Variants in SVOP observed in about 807,000 individuals in gnomAD.
The protein encoded by SVOP is SV2 related protein.
In SVOP, 17 loss-of-function variants were observed where a neutral mutation model predicts 69.1. The ratio of observed to expected loss-of-function variants is 0.25; its 90% CI spans 0.17 to 0.37. The LOEUF is 0.37. Among genes scored for constraint, SVOP ranks in the 10% least tolerant of loss-of-function variants. SVOP has a pLI of 1.00. For missense variants in SVOP, 435 were observed against 597.5 expected (o/e 0.73, Z 2.84); for synonymous variants, 238 against 238.6 (o/e 1.00, Z 0.02).
chr12:108,941,152 G>A (rs146746651), intron 7 of SVOP, among the ~76,000 whole-genome samples: 1,595 of 152,302 alleles, frequency 0.01, 9 homozygotes, highest in Non-Finnish European at 0.012. Context: ...GCTGAGCAAT[G>A]TGGCAGCTTT....
intron 1 of SVOP, among the ~76,000 whole-genome samples, chr12:109,015,093 T>A (rs2040360655): frequency 6.6e-6 from 1 of 151,888 alleles, no homozygotes; most frequent in Non-Finnish European, 1.5e-5. Context: ...TTAAAGAGAG[T>A]TATTAGGGTA....
Position 109,018,263 on chromosome 12 carries a change from C to T in SVOP, c.35+2571G>A, listed in dbSNP as rs142133344. On this transcript the variant is annotated intron_variant, in intron 1 of 15. Coordinates refer to ENST00000610966, the MANE Select transcript of SVOP (RefSeq NM_018711.5). ...GATGCAAACTCTCAGCCTCCCAAAT[C>T]TCCTCTATGTGGTGCTGTCCCAGAG... Among the ~76,000 whole-genome samples, 369 of 152,320 alleles carry T rather than the reference C, an allele frequency of 2.4e-3. 3 individuals carry two copies. Among genetic ancestry groups the T allele is most frequent in the Middle Eastern group, 0.01 (3 of 294 alleles).
At chr12:108,938,039 T>C (rs2039867007) in intron 9 of SVOP, among the ~76,000 whole-genome samples, 1 of 152,180 alleles carries the variant, frequency 6.6e-6, no homozygotes, top group South Asian at 2.1e-4. Flanking sequence ...GAGGAATCCA[T>C]CCTGCTCTGC....
chr12:109,010,289 C>T (rs376463170), intron 1 of SVOP, among the ~76,000 whole-genome samples: 3 of 152,158 alleles, frequency 2.0e-5, no homozygotes, highest in Admixed American at 6.5e-5. Flanking sequence ...GGCACCCCCT[C>T]GTGTCTCAAG....
At chr12:108,971,200 C>G (rs192905268) in intron 5 of SVOP, among the ~76,000 whole-genome samples, 9 of 151,724 alleles carry the variant, frequency 5.9e-5, no homozygotes, top group Admixed American at 2.0e-4. Context: ...AGGCCATGGC[C>G]GGTGGATCAC....
intron 1 of SVOP, among the ~76,000 whole-genome samples, chr12:109,000,524 AC>A (rs2040262481): frequency 2.3e-5 from 1 of 42,630 alleles, no homozygotes; most frequent in Non-Finnish European, 4.7e-5. Flanking sequence ...AGAATTTTAG[AC>A]CAATATCCTT....
intron 1 of SVOP, among the ~76,000 whole-genome samples, chr12:109,016,831 C>T (rs1189245039): frequency 6.6e-6 from 1 of 151,346 alleles, no homozygotes; most frequent in Non-Finnish European, 1.5e-5. Context: ...CAGCCTTGAA[C>T]CCCCAGGCTC....
At chr12:108,963,085 A>C (rs979309844) in intron 5 of SVOP, among the ~76,000 whole-genome samples, 2 of 152,242 alleles carry the variant, frequency 1.3e-5, no homozygotes, top group African/African-American at 4.8e-5. Flanking sequence ...ATCACAATCA[A>C]TGCCAAATAT....
intron 1 of SVOP, among the ~76,000 whole-genome samples, chr12:109,017,238 G>A (rs7961817): frequency 0.19 from 29,019 of 151,822 alleles, 3,037 homozygotes; most frequent in Non-Finnish European, 0.23. Context: ...TCATAGGAGC[G>A]TGAACCCTAT....
chr12:108,972,321 A>G, intron 5 of SVOP, 84 bp downstream of exon 5: 1 of 1,326,416 alleles, frequency 7.5e-7, no homozygotes, highest in Admixed American at 2.0e-5. Context: ...CCCAACTGCT[A>G]ATGCAGAACG....
chr12:108,954,883 A>G (rs1466704957), intron 6 of SVOP, among the ~76,000 whole-genome samples: 1 of 152,194 alleles, frequency 6.6e-6, no homozygotes, highest in East Asian at 1.9e-4. Flanking sequence ...AATAGAAAAA[A>G]TTAGCTGAGC....
intron 1 of SVOP, among the ~76,000 whole-genome samples, chr12:108,993,720 G>A (rs1208723442): frequency 6.6e-6 from 1 of 152,188 alleles, no homozygotes; most frequent in East Asian, 1.9e-4. Context: ...TAAGTGAGGG[G>A]TGGTGTGAAA....
chr12:108,949,556 T>G (rs1351151848), intron 6 of SVOP, among the ~76,000 whole-genome samples: 1 of 152,088 alleles, frequency 6.6e-6, no homozygotes. Context: ...AGGCATGAGC[T>G]ACTGTGCCTG....
At chr12:108,970,936 T>C (rs780212130) in intron 5 of SVOP, among the ~76,000 whole-genome samples, 23 of 152,100 alleles carry the variant, frequency 1.5e-4, no homozygotes, top group Non-Finnish European at 2.8e-4. Flanking sequence ...GAGGATTGCT[T>C]GAGCCCAGAA....
chr12:108,986,419 T>C (rs36171909), intron 1 of SVOP, among the ~76,000 whole-genome samples: 135,654 of 152,178 alleles, frequency 0.89, 61,557 homozygotes, highest in Non-Finnish European at 0.99. Context: ...TTAATAAAGA[T>C]ATTTTATTTT....
At chr12:108,977,596 C>A in intron 3 of SVOP, 100 bp from the exon 4 acceptor site, 1 of 727,092 alleles carries the variant, frequency 1.4e-6, no homozygotes, top group Non-Finnish European at 2.4e-6. Flanking sequence ...GTAGCACACC[C>A]CTCTCTACCC....
rs1278776306 is a variant in SVOP at position 108,960,055 on chromosome 12, A to G, written c.578+868T>C. Among the ~76,000 whole-genome samples, 5 of 152,364 alleles carry G rather than the reference A, an allele frequency of 3.3e-5. 1 individual carries two copies. The highest frequency in any genetic ancestry group is 1.2e-4 in the African/African-American group (5 of 41,586). On this transcript the variant is annotated intron_variant, in intron 6 of 15. Transcript: ENST00000610966. Reference sequence around the variant, plus strand: ...TAAACCGTTTAGAACAGCACCTGCCACATAGTTAACACTAAATATTGGCTA... The same window carrying G: ...TAAACCGTTTAGAACAGCACCTGCCGCATAGTTAACACTAAATATTGGCTA...
intron 1 of SVOP, among the ~76,000 whole-genome samples, chr12:109,017,517 G>A (rs1360990510): frequency 1.3e-5 from 2 of 152,044 alleles, no homozygotes; most frequent in African/African-American, 4.8e-5. Context: ...ATGACTGAGG[G>A]ACAGATTTTT....
chr12:108,953,703 A>T (rs2039969559), intron 6 of SVOP, among the ~76,000 whole-genome samples: 1 of 152,188 alleles, frequency 6.6e-6, no homozygotes, highest in African/African-American at 2.4e-5. Context: ...TTAAGACATT[A>T]TTTTTATGTA....
Sources: allele counts gnomAD v4.1 joint callset (sites outside exome capture counted in the v4.1 genomes callset), GRCh38; gene constraint gnomAD v4.1.1; transcripts MANE v1.5; gene names NCBI Gene and HGNC (gene_info 2026-07-23, HGNC 2026-07-21).